The following PAX9 variants were observed in gnomAD, a reference collection of about 807,000 sequenced individuals.
The protein encoded by PAX9 is paired box 9.
In PAX9, 6 loss-of-function variants were observed where a neutral mutation model predicts 29.1. The ratio of observed to expected loss-of-function variants is 0.21; its 90% CI spans 0.11 to 0.41. The LOEUF (loss-of-function observed/expected upper bound fraction) is 0.41, where lower values mean the gene tolerates loss of function less well. PAX9 is among the 10% of genes least tolerant of loss of function. The pLI is 1.00. For missense variants in PAX9, 443 were observed against 479.1 expected, an observed-to-expected ratio of 0.92 and a Z score of 0.70; for synonymous variants, 217 against 211.7, an observed-to-expected ratio of 1.03 and a Z score of -0.22.
At chr14:36,660,532 G>A (rs566401039), upstream of PAX9, among the ~76,000 whole-genome samples, 1 of 152,324 alleles carries the variant, frequency 6.6e-6, no homozygotes, top group African/African-American at 2.4e-5. Flanking sequence ...AAGCATGGCT[G>A]ATCATAGTTT....
At chr14:36,661,842 A>AGCCGCCCTGCCCTGC, upstream of PAX9, 1 of 579,822 alleles carries the variant, frequency 1.7e-6, no homozygotes, top group Non-Finnish European at 3.1e-6. Context: ...TGATAGACGG[A>AGCCGCCCTGCCCTGC]GCCGCCCTGC....
upstream of PAX9, among the ~76,000 whole-genome samples, chr14:36,659,563 A>T (rs1474264979): frequency 6.6e-6 from 1 of 152,176 alleles, no homozygotes; most frequent in East Asian, 1.9e-4. Flanking sequence ...TGAGAATGCC[A>T]AGAGCACCCA....
chr14:36,676,818 A>T lies in PAX9; in HGVS notation c.*366A>T. The T allele has an allele frequency of 3.7e-6, 1 of 266,766 alleles. No homozygotes were observed. The highest frequency in any genetic ancestry group is 7.3e-6 in the Non-Finnish European group (1 of 136,828). 16.5% of individuals were successfully genotyped at this position (266,766 alleles called of 1,614,324 possible). The stretch of plus-strand genomic sequence containing the variant: ...CACATGTGTATATTTATTCTAAATC[A>T]ACCTGAACTTTTGAAATGTGCAATT... On this transcript the variant is annotated 3_prime_UTR_variant, in exon 4 of 4. Transcript: ENST00000361487.
chr14:36,667,449 A>G (rs189037834), intron 3 of PAX9, among the ~76,000 whole-genome samples: 5 of 152,226 alleles, frequency 3.3e-5, no homozygotes, highest in African/African-American at 2.4e-5. Context: ...CCTTAAGGCA[A>G]TGTAAGGTTT....
rs34908078 is a variant in PAX9 at position 36,678,294 on chromosome 14, C to CT, written c.*1848dup. ...CACACAAATTATGTTAGAGTGACTG[C>CT]TTTTTTCAGACAGCAGATATCTTAT... On this transcript the variant is annotated 3_prime_UTR_variant, in exon 4 of 4. Coordinates refer to ENST00000361487, the MANE Select transcript of PAX9 (RefSeq NM_001372076.1). The CT allele has an allele frequency of 1.8e-6, 1 of 563,894 alleles. No homozygotes were observed. Among genetic ancestry groups the CT allele is most frequent in the African/African-American group, 1.9e-5 (1 of 53,604 alleles). 34.9% of individuals were successfully genotyped at this position (563,894 alleles called of 1,614,324 possible). A position where few individuals can be genotyped will look rare whatever the true frequency, so the allele number is the denominator to read the frequency against.
rs772335439 is a variant in PAX9 at position 36,663,384 on chromosome 14, C to T, written c.492C>T (p.Ser164=). 25 of 1,613,712 alleles carry T rather than the reference C, an allele frequency of 1.5e-5. No homozygotes were observed. The highest frequency in any genetic ancestry group is 2.2e-5 in the East Asian group (1 of 44,858). Residue 164 remains serine, a synonymous_variant, in exon 2 of 4, where the codon AGC becomes AGT. Transcript: ENST00000361487. The part of the protein sequence containing the change: ...LPYNHIYSYP[S]PITAAAAKVP... ...ACAACCACATCTACTCGTACCCCAG[C>T]CCTATCACGGCGGCGGCCGCCAAGG...
At position 36,676,661 on chromosome 14, in the gene PAX9, G is replaced by A; in HGVS notation, c.*209G>A. On this transcript the variant is annotated 3_prime_UTR_variant, in exon 4 of 4. Coordinates refer to ENST00000361487, the MANE Select transcript of PAX9 (RefSeq NM_001372076.1). ...TGCAGAAAAACTGACATGACTTTAG[G>A]ATTTAAAAACAAGAGCAACAATAAG... The A allele has an allele frequency of 1.6e-6, 1 of 621,292 alleles. No homozygotes were observed. Among genetic ancestry groups the A allele is most frequent in the South Asian group, 1.9e-5 (1 of 52,984 alleles). 38.5% of individuals were successfully genotyped at this position (621,292 alleles called of 1,614,324 possible).
Position 36,676,103 on chromosome 14 carries a change from C to T in PAX9, c.772-95C>T, listed in dbSNP as rs1374031624. ...GAGAGTAGAGTCAGAGCATTGCTGG[C>T]TTACTCAGACTTAAGTTCTGCTTCT... On this transcript the variant is annotated intron_variant, in intron 3 of 3. Coordinates refer to ENST00000361487, the MANE Select transcript of PAX9 (RefSeq NM_001372076.1). 13 of 1,329,086 alleles carry T rather than the reference C, an allele frequency of 9.8e-6. No homozygotes were observed. In the East Asian group the frequency reaches 2.3e-4, roughly 24 times the overall value. The allele number at this position is 1,329,086 out of a possible 1,614,324, so 82.3% of individuals were successfully genotyped here. A position where few individuals can be genotyped will look rare whatever the true frequency, so the allele number is the denominator to read the frequency against.
At chr14:36,662,235 A>T in intron 1 of PAX9, 142 bp downstream of exon 1, 1 of 996,116 alleles carries the variant, frequency 1.0e-6, no homozygotes. Context: ...TGTTCCTACA[A>T]GTTGTAGGAA....
intron 3 of PAX9, among the ~76,000 whole-genome samples, chr14:36,668,738 T>C (rs1881599878): frequency 6.7e-6 from 1 of 149,920 alleles, no homozygotes; most frequent in Admixed American, 6.6e-5. Flanking sequence ...TGAAATTTGT[T>C]TGGAAATGCT....
chr14:36,660,603 T>C (rs1214121708), upstream of PAX9, among the ~76,000 whole-genome samples: 1 of 152,194 alleles, frequency 6.6e-6, no homozygotes, highest in Non-Finnish European at 1.5e-5. Flanking sequence ...TCTCTGGGTG[T>C]AGACCGCAGC....
chr14:36,658,799 T>TGG (rs1354978236), upstream of PAX9: 2 of 152,266 alleles, frequency 1.3e-5, no homozygotes, highest in Non-Finnish European at 2.9e-5. Flanking sequence ...AGCATCTGGC[T>TGG]GGGGTCCGCG....
Position 36,676,420 on chromosome 14 carries a change from G to T in PAX9, c.994G>T (p.Gly332Cys), listed in dbSNP as rs779795962. 3.1e-6 allele frequency: 5 copies of T among 1,614,044 alleles called. No individual in the cohort carries two copies. Among genetic ancestry groups the T allele is most frequent in the Non-Finnish European group, 4.2e-6 (5 of 1,180,028 alleles). Reference sequence around the variant, plus strand: ...CAAGGGAATGCAGGCAGCCAGAGAAGGTAGTCATTCTGTCACGGCTTCCGC... The same window carrying T: ...CAAGGGAATGCAGGCAGCCAGAGAATGTAGTCATTCTGTCACGGCTTCCGC... ...AFKGMQAARE[G>C]SHSVTASAL The change falls in exon 4 of 4, where the codon GGT becomes TGT. Residue 332 changes from glycine to cysteine, a missense_variant. Physicochemically the swap from Gly to Cys is radical, Grantham distance 159 (BLOSUM62 -3). Transcript: ENST00000361487.
chr14:36,672,830 T>G (rs1406258282), intron 3 of PAX9, among the ~76,000 whole-genome samples: 1 of 147,012 alleles, frequency 6.8e-6, no homozygotes, highest in Non-Finnish European at 1.5e-5. Context: ...TGCCTTTTTC[T>G]TTTTTCTTTC....
At chr14:36,666,821 G>T (rs1881516470) in intron 3 of PAX9, among the ~76,000 whole-genome samples, 1 of 152,216 alleles carries the variant, frequency 6.6e-6, no homozygotes, top group African/African-American at 2.4e-5. Flanking sequence ...GGCCGGGAGC[G>T]CTCGTCAGGG....
chr14:36,667,478 G>A (rs886755143), intron 3 of PAX9, among the ~76,000 whole-genome samples: 3 of 152,232 alleles, frequency 2.0e-5, no homozygotes, highest in Middle Eastern at 6.8e-3. Context: ...GACCCCAGTA[G>A]GTTTGCAAAT....
In PAX9 at chr14:36,661,865, A is replaced by G. The variant is rs1312976224; in HGVS notation, c.-225A>G. On this transcript the variant is annotated 5_prime_UTR_variant, in exon 1 of 4. Transcript: ENST00000361487. The stretch of plus-strand genomic sequence containing the variant: ...GGAGCCGCCCTGCCCTGCTCAGCCC[A>G]GCCCACGTTGCTGCTTAGATTGAAA... 5 of 630,920 alleles carry G rather than the reference A, an allele frequency of 7.9e-6. No homozygotes were observed. Among genetic ancestry groups the G allele is most frequent in the Non-Finnish European group, 1.1e-5 (4 of 352,242 alleles). 39.1% of individuals were successfully genotyped at this position (630,920 alleles called of 1,614,324 possible).
Position 36,679,020 on chromosome 14 carries a change from T to G in PAX9, c.*2568T>G. ...GATGGTAAAAGTGTTGCTTTTAAAC[T>G]GGCAAATGCACTCTTCAGAAATCCT... On this transcript the variant is annotated 3_prime_UTR_variant, in exon 4 of 4. Transcript: ENST00000361487. 1.7e-5 allele frequency: 16 copies of G among 927,190 alleles called. No homozygotes were observed. Among genetic ancestry groups the G allele is most frequent in the Non-Finnish European group, 2.0e-5 (16 of 781,562 alleles). The allele number at this position is 927,190 out of a possible 1,614,324, so 57.4% of individuals were successfully genotyped here. A position where few individuals can be genotyped will look rare whatever the true frequency, so the allele number is the denominator to read the frequency against.
chr14:36,673,262 A>G (rs2139119979), intron 3 of PAX9, among the ~76,000 whole-genome samples: 1 of 152,294 alleles, frequency 6.6e-6, no homozygotes, highest in South Asian at 2.1e-4. Context: ...AATGATACTA[A>G]ATAAATATTG....
Sources: gnomAD v4.1 joint callset for allele counts (sites outside exome capture counted in the v4.1 genomes callset) on GRCh38, gnomAD v4.1.1 for gene constraint, MANE v1.5 for transcripts, NCBI Gene and HGNC (gene_info 2026-07-23, HGNC 2026-07-21) for gene names.